Variants in ELP6 observed in about 807,000 individuals in gnomAD.
The protein encoded by ELP6 is elongator acetyltransferase complex subunit 6, also known as elongator complex protein 6.
In ELP6, 23 loss-of-function variants were observed where a neutral mutation model predicts 28.1. That is an observed-to-expected ratio of 0.82 (90% CI 0.59 to 1.16). The LOEUF is 1.16. Among genes scored for constraint, ELP6 ranks in the 50% most tolerant of loss-of-function variants. The pLI is 0.00. For synonymous variants in ELP6, 132 were observed against 135.8 expected (o/e 0.97, Z 0.19); for missense variants, 313 against 334.6 (o/e 0.94, Z 0.50).
chr3:47,496,107 A>G lies in ELP6; in HGVS notation c.763T>C (p.Ser255Pro). ...GGAGACATTCCTTTGGCAAAAAAGG[A>G]CACGCTTTTGTCCTGTATCTTATAC... Reference protein sequence around the residue: ...YQYKIQDKSVSFFAKGMSPAV... With the variant: ...YQYKIQDKSVPFFAKGMSPAV... Residue 255 changes from serine (S) to proline (P), a missense_variant, in exon 7 of 7, where the codon TCC becomes CCC. Coordinates refer to ENST00000296149, the MANE Select transcript of ELP6 (RefSeq NM_001031703.3). 4 of 1,614,182 alleles carry G rather than the reference A, an allele frequency of 2.5e-6. No homozygotes were observed. The highest frequency in any genetic ancestry group is 3.4e-6 in the Non-Finnish European group (4 of 1,180,030).
At chr3:47,505,896 C>T (rs1708820791) in intron 3 of ELP6, among the ~76,000 whole-genome samples, 1 of 152,078 alleles carries the variant, frequency 6.6e-6, no homozygotes, top group Non-Finnish European at 1.5e-5. Flanking sequence ...TTAGTAGAAA[C>T]AGGGTTTCAC....
At chr3:47,512,696 T>A in intron 1 of ELP6, 1 of 985,384 alleles carries the variant, frequency 1.0e-6, no homozygotes, top group South Asian at 4.7e-5. Context: ...ACGGACTTGG[T>A]CCAAGCCAAT....
In ELP6 at chr3:47,510,209, T is replaced by C. The variant is rs573415561; in HGVS notation, c.179A>G (p.His60Arg). 6.2e-7 allele frequency: 1 copy of C among 1,614,066 alleles called. No homozygotes were observed. The highest frequency in any genetic ancestry group is 2.2e-5 in the East Asian group (1 of 44,882). Residue 60 changes from histidine (H) to arginine (R), a missense_variant, in exon 3 of 7, where the codon CAC becomes CGC. Transcript: ENST00000296149. ...CAGCTTCTGTCCCACGATACTGTAG[T>C]GGCTGAAGGACTGGATGAGTGCCAC... is the stretch of plus-strand genomic sequence containing the variant. ...CFVALIQSFSHYSIVGQKLGV... is the reference protein window; with the variant it reads ...CFVALIQSFSRYSIVGQKLGV...
chr3:47,502,603 C>T (rs965729940), intron 4 of ELP6: 1 of 956,688 alleles, frequency 1.0e-6, no homozygotes, highest in Non-Finnish European at 1.2e-6. Context: ...GGGGGGCCAG[C>T]GGGGGAGGAT....
intron 1 of ELP6, chr3:47,511,855 G>T: frequency 1.0e-6 from 1 of 985,732 alleles, no homozygotes; most frequent in Non-Finnish European, 1.2e-6. Context: ...GACAGGGAAG[G>T]TCAGGATCAA....
At chr3:47,511,363 G>T in intron 1 of ELP6, 137 bp from the exon 2 acceptor site, 2 of 1,418,186 alleles carry the variant, frequency 1.4e-6, no homozygotes, top group Non-Finnish European at 1.9e-6. Flanking sequence ...ACATGCTAAG[G>T]TACCCTGAAA....
At chr3:47,496,705 G>T (rs1403085871) in intron 6 of ELP6, 1 of 841,064 alleles carries the variant, frequency 1.2e-6, no homozygotes, top group Admixed American at 6.2e-5. Context: ...ATGTTGGCCA[G>T]GCTGGTCTGG....
At position 47,501,808 on chromosome 3, in the gene ELP6, G is replaced by C; in HGVS notation, c.367C>G (p.Arg123Gly). Residue 123 changes from arginine to glycine, a missense_variant, in exon 5 of 7, where the codon CGG becomes GGG. Arg to Gly is a moderately radical substitution (Grantham distance 125, BLOSUM62 -2). Coordinates refer to ENST00000296149, the MANE Select transcript of ELP6 (RefSeq NM_001031703.3). ...CTGTCTACTGGCTTCAGGGCCTCCC[G>C]TACAAACTCAAACAATGGTTTCAAG... Reference protein sequence around the residue: ...GNLKPLFEFVREALKPVDSGE... With the variant: ...GNLKPLFEFVGEALKPVDSGE... The C allele has an allele frequency of 6.2e-7, 1 of 1,613,882 alleles. No homozygotes were observed. Among genetic ancestry groups the C allele is most frequent in the Non-Finnish European group, 8.5e-7 (1 of 1,179,954 alleles).
chr3:47,505,438 T>G (rs1708801937), intron 3 of ELP6, among the ~76,000 whole-genome samples: 1 of 152,086 alleles, frequency 6.6e-6, no homozygotes, highest in African/African-American at 2.4e-5. Context: ...AGTCTCTCAC[T>G]CTATTGCCTA....
chr3:47,505,851 C>T (rs1445290307), intron 3 of ELP6, among the ~76,000 whole-genome samples: 1 of 152,142 alleles, frequency 6.6e-6, no homozygotes, highest in Admixed American at 6.5e-5. Flanking sequence ...GGATTACAGG[C>T]GTGAGCCACC....
chr3:47,504,206 T>C, intron 4 of ELP6, 124 bp downstream of exon 4: 1 of 1,189,678 alleles, frequency 8.4e-7, no homozygotes, highest in Non-Finnish European at 1.1e-6. Flanking sequence ...CCAGATGAAG[T>C]GTCTGACTCC....
intron 4 of ELP6, chr3:47,503,243 A>G (rs570208713): frequency 2.4e-5 from 30 of 1,241,876 alleles, no homozygotes; most frequent in South Asian, 1.3e-4. Flanking sequence ...CACCCACTGC[A>G]TAAGGGTGTG....
chr3:47,499,536 A>AAG (rs1708579251), intron 5 of ELP6, among the ~76,000 whole-genome samples: 1 of 119,546 alleles, frequency 8.4e-6, no homozygotes, highest in Non-Finnish European at 1.7e-5. Flanking sequence ...AAAAAAAAAA[A>AAG]AGCCAGGCGT....
At chr3:47,508,503 A>G (rs577077073) in intron 3 of ELP6, among the ~76,000 whole-genome samples, 13 of 152,362 alleles carry the variant, frequency 8.5e-5, no homozygotes, top group Middle Eastern at 3.4e-3. Flanking sequence ...CCTGGCAGCC[A>G]AGAATTTTTA....
chr3:47,495,986 G>A lies in ELP6; in HGVS notation c.*83C>T. 1 of 1,604,912 alleles carries A rather than the reference G, an allele frequency of 6.2e-7. No individual in the cohort carries two copies. The highest frequency in any genetic ancestry group is 1.3e-5 in the African/African-American group (1 of 74,508). The stretch of plus-strand genomic sequence containing the variant: ...TCCAGCCTGAAATATTACTACAGAG[G>A]AGAAAGACCCATTCTTGCTATGTTG... On this transcript the variant is annotated 3_prime_UTR_variant, in exon 7 of 7. Coordinates refer to ENST00000296149, the MANE Select transcript of ELP6 (RefSeq NM_001031703.3).
chr3:47,505,862 G>A (rs1177705020), intron 3 of ELP6, among the ~76,000 whole-genome samples: 1 of 152,102 alleles, frequency 6.6e-6, no homozygotes, highest in Non-Finnish European at 1.5e-5. Flanking sequence ...GTGAGCCACC[G>A]TGCCCGGCCT....
intron 3 of ELP6, among the ~76,000 whole-genome samples, chr3:47,506,917 C>T (rs1478339279): frequency 6.6e-6 from 1 of 152,176 alleles, no homozygotes; most frequent in Admixed American, 6.5e-5. Flanking sequence ...CCGGTCCCTC[C>T]GTTTGGAGTC....
Position 47,504,407 on chromosome 3 carries a change from C to G in ELP6, c.246G>C (p.Val82=). The G allele has an allele frequency of 1.2e-6, 2 of 1,609,258 alleles. No homozygotes were observed. Among genetic ancestry groups the G allele is most frequent in the South Asian group, 1.1e-5 (1 of 90,158 alleles). The part of the protein sequence containing the change: ...LTMARERGQL[V]FLEGLKSAVD... Reference sequence around the variant, plus strand: ...CTGCAGACTTGAGTCCCTCAAGGAACACAAGCTGCCCACGCTCCCGCGCCA... The same window carrying G: ...CTGCAGACTTGAGTCCCTCAAGGAAGACAAGCTGCCCACGCTCCCGCGCCA... Residue 82 remains valine (V), a synonymous_variant, in exon 4 of 7, where the codon GTG becomes GTC. Transcript: ENST00000296149.
chr3:47,513,451 C>T (rs2029964870), intron 1 of ELP6, 86 bp downstream of exon 1: 29 of 1,568,632 alleles, frequency 1.8e-5, no homozygotes, highest in South Asian at 1.6e-4. Context: ...CGCGCCATTC[C>T]CCGGGGTCGT....
Sources: allele counts gnomAD v4.1 joint callset (sites outside exome capture counted in the v4.1 genomes callset), GRCh38; gene constraint gnomAD v4.1.1; transcripts MANE v1.5; gene names NCBI Gene and HGNC (gene_info 2026-07-23, HGNC 2026-07-21).